The following DENND2C variants were observed in gnomAD, a reference collection of about 807,000 sequenced individuals.
The protein encoded by DENND2C is DENN domain containing 2C.
Under a neutral mutation model 112.4 loss-of-function variants are expected in DENND2C, and 72 were observed. The ratio of observed to expected loss-of-function variants is 0.64; its 90% confidence interval spans 0.53 to 0.78. The LOEUF (loss-of-function observed/expected upper bound fraction) is 0.78. Among genes scored for constraint, DENND2C ranks in the 30% least tolerant of loss-of-function variants. DENND2C has a pLI of 0.00. For synonymous variants in DENND2C, 329 were observed against 381.6 expected, an observed-to-expected ratio of 0.86 and a Z score of 1.61; for missense variants, 992 against 1,113.8, an observed-to-expected ratio of 0.89 and a Z score of 1.56.
chr1:114,589,457 C>T (rs1018820811), intron 18 of DENND2C, among the ~76,000 whole-genome samples: 13 of 152,124 alleles, frequency 8.5e-5, no homozygotes, highest in African/African-American at 3.1e-4. Context: ...TATATTTTGT[C>T]CAACACCCTT....
intron 2 of DENND2C, among the ~76,000 whole-genome samples, chr1:114,650,150 T>C (rs1251573810): frequency 6.6e-6 from 1 of 151,554 alleles, no homozygotes; most frequent in African/African-American, 2.4e-5. Flanking sequence ...GGTGAAACCC[T>C]GTTTCTACTA....
At chr1:114,596,138 C>T (rs558236930) in intron 16 of DENND2C, among the ~76,000 whole-genome samples, 2 of 152,216 alleles carry the variant, frequency 1.3e-5, no homozygotes, top group South Asian at 2.1e-4. Context: ...TTTGGAAAGC[C>T]GAGGCAGGAG....
Position 114,587,477 on chromosome 1 carries a change from C to G in DENND2C, c.2669-4G>C, listed in dbSNP as rs780151212. 7.4e-6 allele frequency: 12 copies of G among 1,614,082 alleles called. 1 individual carries two copies. In the South Asian group the frequency reaches 1.3e-4, roughly 18 times the overall value. ...ATGGCCCGGATCTCAAACAAACCTA[C>G]AAGGAAAAACTCATGTTGGTGAAAC... is the stretch of plus-strand genomic sequence containing the variant. On this transcript the variant is annotated splice_region_variant and splice_polypyrimidine_tract_variant and intron_variant, in intron 19 of 20. Coordinates refer to ENST00000393274, the MANE Select transcript of DENND2C (RefSeq NM_001256404.2).
chr1:114,608,132 C>T (rs567579085), intron 10 of DENND2C, among the ~76,000 whole-genome samples: 5 of 152,158 alleles, frequency 3.3e-5, no homozygotes, highest in South Asian at 4.2e-4. Context: ...TAAAAATTAG[C>T]GGGGTGTGGT....
chr1:114,631,379 TA>T (rs907432617), intron 3 of DENND2C, among the ~76,000 whole-genome samples: 4 of 150,766 alleles, frequency 2.7e-5, no homozygotes, highest in African/African-American at 7.3e-5. Flanking sequence ...AAAAATAAAT[TA>T]AAAAAAATAA....
chr1:114,602,845 T>A (rs1655550974), intron 11 of DENND2C, among the ~76,000 whole-genome samples: 1 of 152,174 alleles, frequency 6.6e-6, no homozygotes, highest in Non-Finnish European at 1.5e-5. Context: ...ATTATAGACA[T>A]GAGCCACTGT....
chr1:114,612,656 A>T (rs1246784538), intron 8 of DENND2C, among the ~76,000 whole-genome samples: 4 of 151,604 alleles, frequency 2.6e-5, no homozygotes, highest in African/African-American at 9.7e-5. Flanking sequence ...AGTAGCTGGG[A>T]TTACAGGCGT....
chr1:114,626,332 C>G (rs1244349535), intron 3 of DENND2C, 144 bp from the exon 4 acceptor site: 1 of 186,596 alleles, frequency 5.4e-6, no homozygotes, highest in African/African-American at 2.4e-5. Context: ...AGTAATTCAA[C>G]TACATAAAGG....
chr1:114,595,848 T>C lies in DENND2C; in HGVS notation c.2309A>G (p.Asp770Gly). 1 of 1,613,978 alleles carries C rather than the reference T, an allele frequency of 6.2e-7. No homozygotes were observed. The highest frequency in any genetic ancestry group is 8.5e-7 in the Non-Finnish European group (1 of 1,179,894). Reference sequence around the variant, plus strand: ...GGCACTCACCTCCTGTAAGAACTTGTCTGCACAGAGATCAACTATCAGCAC... The same window carrying C: ...GGCACTCACCTCCTGTAAGAACTTGCCTGCACAGAGATCAACTATCAGCAC... The part of the protein sequence containing the change: ...EEVLIVDLCA[D>G]KFLQEVSDED... The change falls in exon 17 of 21, where the codon GAC becomes GGC. Residue 770 changes from aspartate to glycine, a missense_variant. Around this residue, in one of 3 missense-constraint regions of DENND2C, gnomAD observed 516 missense variants for 623.6 expected, o/e 0.83. Coordinates refer to ENST00000393274, the MANE Select transcript of DENND2C (RefSeq NM_001256404.2).
intron 1 of DENND2C, among the ~76,000 whole-genome samples, chr1:114,668,277 G>A (rs996864166): frequency 2.6e-5 from 4 of 152,112 alleles, no homozygotes; most frequent in African/African-American, 9.7e-5. Flanking sequence ...GCTGAAACAT[G>A]TTTAAGTAAA....
intron 7 of DENND2C, among the ~76,000 whole-genome samples, chr1:114,621,576 G>A (rs575338987): frequency 1.3e-5 from 2 of 152,158 alleles, no homozygotes; most frequent in African/African-American, 4.8e-5. Flanking sequence ...CAACACTGAA[G>A]CCATCCTGAG....
chr1:114,659,919 T>C (rs531385468), intron 1 of DENND2C, among the ~76,000 whole-genome samples: 150 of 151,448 alleles, frequency 9.9e-4, no homozygotes, highest in Non-Finnish European at 1.8e-3. Flanking sequence ...ATCTCCCGGA[T>C]AGCTAAGACC....
rs754460380 is a variant in DENND2C, at chr1:114,587,490, ATGTTGGTGAAAC to A, written c.2669-29_2669-18del. 7.4e-6 allele frequency: 12 copies of A among 1,612,564 alleles called. No homozygotes were observed. Among genetic ancestry groups the A allele is most frequent in the Non-Finnish European group, 9.3e-6 (11 of 1,178,564 alleles). ...CAAACAAACCTACAAGGAAAAACTC[ATGTTGGTGAAAC>A]TGTGTAACACTCCAGACTGGGAATT... is the stretch of plus-strand genomic sequence containing the variant. On this transcript the variant is annotated intron_variant, in intron 19 of 20. Coordinates refer to ENST00000393274, the MANE Select transcript of DENND2C (RefSeq NM_001256404.2).
At position 114,625,527 on chromosome 1, in the gene DENND2C, A is replaced by G. The variant is rs769650786; in HGVS notation, c.458T>C (p.Ile153Thr). The G allele has an allele frequency of 1.9e-6, 3 of 1,614,010 alleles. No homozygotes were observed. Among genetic ancestry groups the G allele is most frequent in the East Asian group, 2.2e-5 (1 of 44,864 alleles). The change falls in exon 4 of 21, where the codon ATA (isoleucine) becomes ACA (threonine). Residue 153 changes from isoleucine (I) to threonine (T), a missense_variant. Coordinates refer to ENST00000393274, the MANE Select transcript of DENND2C (RefSeq NM_001256404.2). ...GAGTTTATCTGGGGGAAGTGCTTCT[A>G]TTTTCTTCCACAGTATTTGTGAGGT... ...FYTSQILWKK[I>T]EALPPDKLLN...
intron 18 of DENND2C, among the ~76,000 whole-genome samples, chr1:114,593,462 A>G (rs1051413006): frequency 6.6e-6 from 1 of 152,190 alleles, no homozygotes; most frequent in Non-Finnish European, 1.5e-5. Flanking sequence ...GTAACATCCA[A>G]AACTAAACTT....
At chr1:114,591,691 CACT>C (rs780456066) in intron 18 of DENND2C, among the ~76,000 whole-genome samples, 7 of 151,910 alleles carry the variant, frequency 4.6e-5, no homozygotes, top group African/African-American at 7.2e-5. Context: ...AGAACCCCAC[CACT>C]GTTTTATTGA....
Position 114,637,977 on chromosome 1 carries a change from T to C in DENND2C, c.-205+7471A>G, listed in dbSNP as rs770902792. ...CAAGTTTATAAGGAAAGGCAAAGAA[T>C]CTAGATTAGCCTAAATAATTTTCAA... is the stretch of plus-strand genomic sequence containing the variant. On this transcript the variant is annotated intron_variant, in intron 3 of 20. Transcript: ENST00000393274. Among the ~76,000 whole-genome samples the C allele has an allele frequency of 3.9e-5, 6 of 152,122 alleles. 1 individual carries two copies. The highest frequency in any genetic ancestry group is 5.9e-5 in the Non-Finnish European group (4 of 68,026).
Position 114,664,969 on chromosome 1 carries a change from C to T in DENND2C, c.-574+5014G>A, listed in dbSNP as rs1657605744. 3.3e-5 allele frequency among the ~76,000 whole-genome samples: 5 copies of T among 151,690 alleles called. No homozygotes were observed. The South Asian group carries it at 1.0e-3, about 32-fold the overall frequency. ...ATTACCCAGGCATGGTGGTGTGCGC[C>T]TGTAGTCCCAGCTACTTGGGAGGCT... On this transcript the variant is annotated intron_variant, in intron 1 of 20. Transcript: ENST00000393274.
intron 1 of DENND2C, among the ~76,000 whole-genome samples, chr1:114,667,595 A>G (rs1416549477): frequency 6.6e-6 from 1 of 152,216 alleles, no homozygotes; most frequent in Non-Finnish European, 1.5e-5. Context: ...CAGATAAACT[A>G]TAATTACATC....
Sources: allele counts gnomAD v4.1 joint callset (sites outside exome capture counted in the v4.1 genomes callset), GRCh38; gene constraint gnomAD v4.1.1; regional missense constraint gnomAD v4.1.1; transcripts MANE v1.5; gene names NCBI Gene and HGNC (gene_info 2026-07-23, HGNC 2026-07-21).